The following DENND5A variants were observed in gnomAD, a reference collection of about 807,000 sequenced individuals.
The protein encoded by DENND5A is DENN domain-containing protein 5A.
DENND5A carries 64 observed loss-of-function variants against 140.3 expected under a neutral mutation model. The ratio of observed to expected loss-of-function variants is 0.46; its 90% CI spans 0.37 to 0.56. The LOEUF (loss-of-function observed/expected upper bound fraction) is 0.56, where lower values mean the gene tolerates loss of function less well. Ranked by LOEUF, DENND5A falls within the 20% of genes least tolerant of loss-of-function variation. The probability of loss-of-function intolerance (pLI) is 0.00; values close to 1 mark genes in which losing one functional copy is unlikely to be tolerated. For missense variants in DENND5A, 1,292 were observed against 1,593.8 expected (o/e 0.81, Z 3.22); for synonymous variants, 605 against 607.7 (o/e 1.00, Z 0.07).
chr11:9,181,592 G>C (rs1848733921), intron 5 of DENND5A, among the ~76,000 whole-genome samples: 2 of 151,968 alleles, frequency 1.3e-5, no homozygotes, highest in Non-Finnish European at 2.9e-5. Context: ...GCAAAAATTA[G>C]CCAGGGATGG....
chr11:9,250,044 T>TAAA (rs10710741), intron 1 of DENND5A, among the ~76,000 whole-genome samples: 18 of 138,564 alleles, frequency 1.3e-4, no homozygotes, highest in Non-Finnish European at 2.5e-4. Flanking sequence ...AAATAAAATT[T>TAAA]AAAAAAAAAA....
chr11:9,223,112 G>A (rs1156815819), intron 1 of DENND5A, among the ~76,000 whole-genome samples: 1 of 152,184 alleles, frequency 6.6e-6, no homozygotes, highest in Non-Finnish European at 1.5e-5. Context: ...ATAGCCGGCT[G>A]GGCGCGGTGG....
At position 9,204,184 on chromosome 11, in the gene DENND5A, G is replaced by A. The variant is rs1259986823; in HGVS notation, c.425C>T (p.Thr142Ile). 6.2e-7 allele frequency: 1 copy of A among 1,613,968 alleles called. No homozygotes were observed. The highest frequency in any genetic ancestry group is 1.3e-5 in the African/African-American group (1 of 74,882). ...CATTGCACTGCAGATCTGCTTGCTA[G>A]TCACCTCTTCATAAAATGTGAGGGC... ...GFALTFYEEV[T>I]SKQICSAMQT... The change falls in exon 4 of 23, where the codon ACT (threonine) becomes ATT (isoleucine). Residue 142 changes from threonine (T) to isoleucine (I), a missense_variant. Thr to Ile is a moderately conservative substitution (Grantham distance 89). Coordinates refer to ENST00000328194, the MANE Select transcript of DENND5A (RefSeq NM_015213.4).
At chr11:9,147,516 GT>G (rs1365216599) in intron 15 of DENND5A, among the ~76,000 whole-genome samples, 1 of 152,196 alleles carries the variant, frequency 6.6e-6, no homozygotes, top group African/African-American at 2.4e-5. Flanking sequence ...CTAGTGTATG[GT>G]GTGTGAGTGG....
intron 22 of DENND5A, 72 bp downstream of exon 22, chr11:9,141,868 G>A (rs1847253195): frequency 7.0e-7 from 1 of 1,429,958 alleles, no homozygotes; most frequent in East Asian, 2.4e-5. Flanking sequence ...CCTCACCCCT[G>A]CACTGCACCA....
At chr11:9,177,210 C>T (rs1848572123) in intron 8 of DENND5A, among the ~76,000 whole-genome samples, 1 of 147,446 alleles carries the variant, frequency 6.8e-6, no homozygotes, top group African/African-American at 2.5e-5. Flanking sequence ...GCCATAATCG[C>T]ACCACTACCC....
At chr11:9,239,912 T>C (rs1055100024) in intron 1 of DENND5A, among the ~76,000 whole-genome samples, 2 of 152,214 alleles carry the variant, frequency 1.3e-5, no homozygotes, top group African/African-American at 4.8e-5. Context: ...TTATGTATAG[T>C]CCCTCGGGTA....
At chr11:9,145,142 G>A in intron 17 of DENND5A, 29 bp from the exon 18 acceptor site, 1 of 1,516,118 alleles carries the variant, frequency 6.6e-7, no homozygotes, top group Non-Finnish European at 9.2e-7. Context: ...GATGAGGTAG[G>A]TCAGGAAAAT....
chr11:9,191,644 T>C (rs1248426298), intron 5 of DENND5A, among the ~76,000 whole-genome samples: 1 of 152,144 alleles, frequency 6.6e-6, no homozygotes, highest in African/African-American at 2.4e-5. Context: ...ATGAAGCACA[T>C]AGGGAACAAC....
In DENND5A at chr11:9,160,779, G is replaced by A. The variant is rs1334531088; in HGVS notation, c.2370C>T (p.Asn790=). ...GATCACAAAGGCTGGCAATCAGGGTGTTCTCTTCCACCCCTGTGATGTTCA... is the reference window on the plus strand; with the variant it reads ...GATCACAAAGGCTGGCAATCAGGGTATTCTCTTCCACCCCTGTGATGTTCA... ...GEVNITGVEE[N]TLIASLCDLL... The change falls in exon 12 of 23, where the codon AAC becomes AAT. Residue 790 remains asparagine (N), a synonymous_variant. Transcript: ENST00000328194. 1.9e-6 allele frequency: 3 copies of A among 1,613,952 alleles called. No homozygotes were observed. The highest frequency in any genetic ancestry group is 1.7e-6 in the Non-Finnish European group (2 of 1,179,840).
At chr11:9,206,165 A>T (rs1231682698) in intron 3 of DENND5A, among the ~76,000 whole-genome samples, 1 of 152,256 alleles carries the variant, frequency 6.6e-6, no homozygotes, top group Non-Finnish European at 1.5e-5. Context: ...GCACAAGGTG[A>T]ATATTCAATA....
At chr11:9,145,926 T>A in intron 16 of DENND5A, 111 bp from the exon 17 acceptor site, 2 of 1,185,594 alleles carry the variant, frequency 1.7e-6, no homozygotes, top group Non-Finnish European at 1.2e-6. Context: ...TCCTGCTATC[T>A]CAGCTCAAGC....
At chr11:9,212,969 T>C (rs987905877) in intron 1 of DENND5A, among the ~76,000 whole-genome samples, 1 of 151,626 alleles carries the variant, frequency 6.6e-6, no homozygotes, top group African/African-American at 2.4e-5. Context: ...CTTTGATACC[T>C]TGACTATATC....
At chr11:9,146,536 C>T (rs188421405) in intron 16 of DENND5A, among the ~76,000 whole-genome samples, 1 of 152,326 alleles carries the variant, frequency 6.6e-6, no homozygotes, top group African/African-American at 2.4e-5. Flanking sequence ...CTCACAGACA[C>T]ATAATGAGTT....
intron 1 of DENND5A, among the ~76,000 whole-genome samples, chr11:9,235,359 C>A (rs1036799865): frequency 6.6e-6 from 1 of 152,078 alleles, no homozygotes; most frequent in East Asian, 1.9e-4. Context: ...ATGGATGAAC[C>A]TTAAAAACAT....
chr11:9,265,095 C>G lies in DENND5A; in HGVS notation c.-26G>C. On this transcript the variant is annotated 5_prime_UTR_variant, in exon 1 of 23. Coordinates refer to ENST00000328194, the MANE Select transcript of DENND5A (RefSeq NM_015213.4). The surrounding 1 kb of genome is among the most constrained non-coding windows in gnomAD (Gnocchi z 4.7). ...GGCGCCGGGGCCGAGACCGGCCGGGCAGTGCGGAGCGGCACCGAGCCCCCG... is the reference window on the plus strand; with the variant it reads ...GGCGCCGGGGCCGAGACCGGCCGGGGAGTGCGGAGCGGCACCGAGCCCCCG... The G allele has an allele frequency of 7.1e-7, 1 of 1,411,750 alleles. No homozygotes were observed. The allele number at this position is 1,411,750 out of a possible 1,614,324, so 87.5% of individuals were successfully genotyped here.
At position 9,144,121 on chromosome 11, in the gene DENND5A, T is replaced by C. The variant is rs991650387; in HGVS notation, c.3280A>G (p.Thr1094Ala). The C allele has an allele frequency of 2.5e-6, 4 of 1,613,738 alleles. No individual in the cohort carries two copies. In the Admixed American group the frequency reaches 5.0e-5, roughly 20 times the overall value. The change falls in exon 19 of 23, where the codon ACC (threonine) becomes GCC (alanine). Residue 1094 changes from threonine (T) to alanine (A), a missense_variant. This residue lies in a region of DENND5A where 498 missense variants were observed against 689.7 expected (regional missense o/e 0.72). Transcript: ENST00000328194. ...QSPSVIRRLV[T>A]ISPNNKPKLN... is the part of the protein sequence containing the mutation. ...CTGGGCTTGTTGTTGGGTGAGATGG[T>C]AACAAGCCTCCGGATGACACTGGGG...
intron 1 of DENND5A, among the ~76,000 whole-genome samples, chr11:9,248,139 C>T (rs1180356736): frequency 1.3e-5 from 2 of 152,034 alleles, no homozygotes; most frequent in African/African-American, 4.8e-5. Context: ...GGTGACACCT[C>T]GCTTGGCTAA....
At chr11:9,218,035 G>GT (rs1341427543) in intron 1 of DENND5A, among the ~76,000 whole-genome samples, 3 of 152,172 alleles carry the variant, frequency 2.0e-5, no homozygotes, top group African/African-American at 7.2e-5. Flanking sequence ...GGTAGAGATT[G>GT]TTTGAGTCCA....
Sources: gnomAD v4.1 joint callset for allele counts (sites outside exome capture counted in the v4.1 genomes callset) on GRCh38, gnomAD v4.1.1 for gene constraint, gnomAD v4.1.1 regional missense constraint, Gnocchi (gnomAD v3.1) non-coding constraint, MANE v1.5 for transcripts, NCBI Gene and HGNC (gene_info 2026-07-23, HGNC 2026-07-21) for gene names.